The following RORA variants were observed in gnomAD, a reference collection of about 807,000 sequenced individuals.
RORA encodes nuclear receptor ROR-alpha.
In RORA, 7 loss-of-function variants were observed where a neutral mutation model predicts 69.5. The ratio of observed to expected loss-of-function variants is 0.10; its 90% CI spans 0.06 to 0.19. The LOEUF (loss-of-function observed/expected upper bound fraction) is 0.19. Among genes scored for constraint, RORA ranks in the 10% least tolerant of loss-of-function variants. The probability of loss-of-function intolerance (pLI) is 1.00; values close to 1 mark genes in which losing one functional copy is unlikely to be tolerated. For synonymous variants in RORA, 261 were observed against 240.8 expected, an observed-to-expected ratio of 1.08 and a Z score of -0.78; for missense variants, 457 against 663.0, an observed-to-expected ratio of 0.69 and a Z score of 3.41.
intron 1 of RORA, among the ~76,000 whole-genome samples, chr15:61,008,937 G>C (rs535708021): frequency 6.6e-6 from 1 of 152,074 alleles, no homozygotes; most frequent in African/African-American, 2.4e-5. Context: ...AGAAAGACAC[G>C]GGGCATAGAA....
Position 60,540,572 on chromosome 15 carries a change from C to CG in RORA, c.197-8722_197-8721insC, listed in dbSNP as rs1567071375. ...CCTGCACAATTTCCATGACCCCCCC[C>CG]CCCCAAAACTGTGCGGTCACAAAAC... On this transcript the variant is annotated intron_variant, in intron 2 of 10. Coordinates refer to ENST00000335670, the MANE Select transcript of RORA (RefSeq NM_134261.3). Among the ~76,000 whole-genome samples, 20 of 66,756 alleles carry CG rather than the reference C, an allele frequency of 3.0e-4. 3 individuals are homozygous for CG. In the East Asian group the frequency reaches 8.3e-3, roughly 28 times the overall value. 43.8% of individuals were successfully genotyped at this position (66,756 alleles called of 152,430 possible).
intron 1 of RORA, among the ~76,000 whole-genome samples, chr15:60,916,296 T>G (rs1891871420): frequency 6.6e-6 from 1 of 152,154 alleles, no homozygotes; most frequent in Non-Finnish European, 1.5e-5. Context: ...TGGCCAGGGA[T>G]TGCACAGGTG....
chr15:60,803,923 TTCTC>T (rs1431933627), intron 1 of RORA, among the ~76,000 whole-genome samples: 3 of 152,152 alleles, frequency 2.0e-5, no homozygotes, highest in Non-Finnish European at 4.4e-5. Flanking sequence ...ACTCTATATT[TTCTC>T]TCTTTCACTG....
intron 1 of RORA, among the ~76,000 whole-genome samples, chr15:60,948,717 G>A (rs919126820): frequency 1.3e-5 from 2 of 152,134 alleles, no homozygotes; most frequent in Non-Finnish European, 1.5e-5. Context: ...CACACATTTG[G>A]ATCTTCCAAT....
chr15:60,875,741 A>T lies in RORA; in HGVS notation c.167-197055T>A, dbSNP rs577000281. ...CCAGTGGAAATCACCCAGGAGAAGA[A>T]TATGGTCATTCTGGGAATAAATTCT... is the stretch of plus-strand genomic sequence containing the variant. On this transcript the variant is annotated intron_variant, in intron 1 of 10. Transcript: ENST00000335670. 2.6e-5 allele frequency among the ~76,000 whole-genome samples: 4 copies of T among 152,344 alleles called. No individual in the cohort carries two copies. The South Asian group carries it at 8.3e-4, about 32-fold the overall frequency.
intron 1 of RORA, among the ~76,000 whole-genome samples, chr15:60,772,744 C>T (rs1340169249): frequency 6.6e-6 from 1 of 152,212 alleles, no homozygotes; most frequent in African/African-American, 2.4e-5. Context: ...CTAGCCCAGA[C>T]TGCCCAACAC....
At chr15:60,846,318 G>A (rs1408988247) in intron 1 of RORA, among the ~76,000 whole-genome samples, 2 of 152,132 alleles carry the variant, frequency 1.3e-5, no homozygotes, top group Admixed American at 6.5e-5. Flanking sequence ...GCACTTGATA[G>A]GTACTGTATA....
chr15:60,964,282 G>C (rs769658599), intron 1 of RORA, among the ~76,000 whole-genome samples: 1 of 152,200 alleles, frequency 6.6e-6, no homozygotes, highest in African/African-American at 2.4e-5. Context: ...ATGAGGTGTG[G>C]TGTCCAGATG....
At chr15:60,572,045 G>T (rs1194279460) in intron 2 of RORA, among the ~76,000 whole-genome samples, 1 of 152,162 alleles carries the variant, frequency 6.6e-6, no homozygotes, top group African/African-American at 2.4e-5. Flanking sequence ...GGACAGGGAG[G>T]CCTGATATCT....
chr15:61,166,814 T>G (rs2079542947), intron 1 of RORA, among the ~76,000 whole-genome samples: 1 of 152,062 alleles, frequency 6.6e-6, no homozygotes, highest in South Asian at 2.1e-4. Flanking sequence ...TATCCACATG[T>G]TATCCACAGC....
rs73430891 is a variant in RORA, at chr15:61,119,883, C to G, written c.166+109170G>C. Among the ~76,000 whole-genome samples, 491 of 152,266 alleles carry G rather than the reference C, an allele frequency of 3.2e-3. 2 individuals carry two copies. The highest frequency in any genetic ancestry group is 0.011 in the African/African-American group (456 of 41,542). On this transcript the variant is annotated intron_variant, in intron 1 of 10. Coordinates refer to ENST00000335670, the MANE Select transcript of RORA (RefSeq NM_134261.3). ...GATCTGTGGAGGAGGCAGATGCCCA[C>G]CCACTCACTGTACAGTACAAGGGGT...
At chr15:60,767,017 A>G (rs2072002105) in intron 1 of RORA, among the ~76,000 whole-genome samples, 1 of 152,204 alleles carries the variant, frequency 6.6e-6, no homozygotes, top group Admixed American at 6.6e-5. Context: ...GTATGGCCCA[A>G]AGACATGTAC....
intron 1 of RORA, among the ~76,000 whole-genome samples, chr15:60,886,378 G>A (rs1237290381): frequency 1.3e-5 from 2 of 152,154 alleles, no homozygotes; most frequent in African/African-American, 4.8e-5. Context: ...TACAGCTCAC[G>A]AGGGCTGAGG....
At chr15:61,118,937 G>A (rs1234225620) in intron 1 of RORA, among the ~76,000 whole-genome samples, 1 of 152,018 alleles carries the variant, frequency 6.6e-6, no homozygotes, top group Non-Finnish European at 1.5e-5. Flanking sequence ...CATGTACTGG[G>A]CGACCTATAA....
In RORA at chr15:60,970,435, G is replaced by A. The variant is rs184293551; in HGVS notation, c.166+258618C>T. Among the ~76,000 whole-genome samples the A allele has an allele frequency of 1.1e-4, 16 of 152,250 alleles. No individual in the cohort carries two copies. The South Asian group carries it at 1.5e-3, about 14-fold the overall frequency. On this transcript the variant is annotated intron_variant, in intron 1 of 10. Coordinates refer to ENST00000335670, the MANE Select transcript of RORA (RefSeq NM_134261.3). ...CATTATTTCAGCAAGTCCCCACTGC[G>A]TGCCAGGCATTGTATGAGGTCCTGG... is the stretch of plus-strand genomic sequence containing the variant.
chr15:60,794,394 G>C (rs973721975), intron 1 of RORA, among the ~76,000 whole-genome samples: 1 of 151,748 alleles, frequency 6.6e-6, no homozygotes, highest in Admixed American at 6.6e-5. Flanking sequence ...ACATAATGAA[G>C]TATACATATC....
chr15:60,591,264 C>T (rs2140518508), intron 2 of RORA, among the ~76,000 whole-genome samples: 1 of 152,330 alleles, frequency 6.6e-6, no homozygotes, highest in East Asian at 1.9e-4. Flanking sequence ...GGCAGATTAT[C>T]CACGGCGAGG....
chr15:61,116,109 C>T (rs556903834), intron 1 of RORA, among the ~76,000 whole-genome samples: 12 of 152,160 alleles, frequency 7.9e-5, no homozygotes, highest in East Asian at 5.8e-4. Context: ...CTGTTCTTGA[C>T]GCAGGATGAA....
chr15:61,158,757 T>A (rs2140881152), intron 1 of RORA, among the ~76,000 whole-genome samples: 1 of 152,324 alleles, frequency 6.6e-6, no homozygotes, highest in South Asian at 2.1e-4. Flanking sequence ...CAATATTTGA[T>A]GAAAGACTGT....
Sources: gnomAD v4.1 joint callset for allele counts (sites outside exome capture counted in the v4.1 genomes callset) on GRCh38, gnomAD v4.1.1 for gene constraint, MANE v1.5 for transcripts, NCBI Gene and HGNC (gene_info 2026-07-23, HGNC 2026-07-21) for gene names.